Variants in NNT observed in about 807,000 individuals in gnomAD.
The protein encoded by NNT is nicotinamide nucleotide transhydrogenase, also known as NAD(P) transhydrogenase, mitochondrial.
In NNT, 50 loss-of-function variants were observed where a neutral mutation model predicts 104.8. That is an observed-to-expected ratio of 0.48 (90% CI 0.38 to 0.60). The LOEUF is 0.60. NNT is among the 20% of genes least tolerant of loss of function. NNT has a pLI of 0.00. For missense variants in NNT, 1,131 were observed against 1,330.7 expected (o/e 0.85, Z 2.33); for synonymous variants, 461 against 490.4 (o/e 0.94, Z 0.79).
chr5:43,670,082 G>A (rs980621968), intron 17 of NNT, among the ~76,000 whole-genome samples: 1 of 152,170 alleles, frequency 6.6e-6, no homozygotes, highest in East Asian at 1.9e-4. Context: ...GGTGTTTATA[G>A]TATTCTCTGA....
intron 17 of NNT, 76 bp from the exon 18 acceptor site, chr5:43,675,434 TC>T: frequency 1.6e-6 from 2 of 1,236,646 alleles, no homozygotes; most frequent in South Asian, 3.6e-5. Context: ...ATTCCAAATA[TC>T]ATATACACAA....
At chr5:43,641,793 T>C (rs185121606) in intron 7 of NNT, among the ~76,000 whole-genome samples, 12 of 152,308 alleles carry the variant, frequency 7.9e-5, no homozygotes, top group African/African-American at 2.9e-4. Flanking sequence ...GTTTTAAAAG[T>C]GATTGAATTT....
intron 19 of NNT, among the ~76,000 whole-genome samples, chr5:43,688,528 T>A (rs966268197): frequency 2.0e-5 from 3 of 152,210 alleles, no homozygotes; most frequent in Non-Finnish European, 4.4e-5. Context: ...GAGTGTACAC[T>A]GTACCCAATG....
At position 43,635,108 on chromosome 5, in the gene NNT, A is replaced by G. The variant is rs570639177; in HGVS notation, c.964+6721A>G. On this transcript the variant is annotated intron_variant, in intron 7 of 21. Transcript: ENST00000344920. ...GTATCTCCTTCCTTCCATTTTCCTT[A>G]TAGTTTCTTGTGCTTCAGTATTAGT... Among the ~76,000 whole-genome samples the G allele has an allele frequency of 3.3e-5, 5 of 152,224 alleles. No homozygotes were observed. The South Asian group carries it at 6.2e-4, about 19-fold the overall frequency.
chr5:43,675,967 T>G (rs1741394670), intron 18 of NNT, among the ~76,000 whole-genome samples: 2 of 152,190 alleles, frequency 1.3e-5, no homozygotes, highest in Non-Finnish European at 2.9e-5. Flanking sequence ...CATTGGTAAT[T>G]TTTGGGCCCG....
intron 17 of NNT, among the ~76,000 whole-genome samples, chr5:43,666,421 T>C (rs930215846): frequency 2.6e-5 from 4 of 151,968 alleles, no homozygotes; most frequent in Non-Finnish European, 4.4e-5. Flanking sequence ...CGAAACCCCG[T>C]CTCCACCAAA....
At chr5:43,670,219 T>G (rs1012275082) in intron 17 of NNT, among the ~76,000 whole-genome samples, 1 of 152,162 alleles carries the variant, frequency 6.6e-6, no homozygotes, top group Non-Finnish European at 1.5e-5. Flanking sequence ...TTGTTGATGT[T>G]TTCAAAAAAC....
intron 19 of NNT, among the ~76,000 whole-genome samples, chr5:43,682,556 A>G (rs1325761470): frequency 6.6e-6 from 1 of 152,176 alleles, no homozygotes; most frequent in Non-Finnish European, 1.5e-5. Flanking sequence ...AGATAAACAA[A>G]GTCCAGCCTT....
At chr5:43,687,394 T>A (rs1742042327) in intron 19 of NNT, among the ~76,000 whole-genome samples, 2 of 152,200 alleles carry the variant, frequency 1.3e-5, no homozygotes, top group South Asian at 4.1e-4. Flanking sequence ...ATATTCTTCA[T>A]GTGATGATGG....
intron 18 of NNT, among the ~76,000 whole-genome samples, chr5:43,676,164 G>A (rs1010012349): frequency 1.3e-4 from 20 of 152,254 alleles, no homozygotes; most frequent in African/African-American, 4.8e-4. Flanking sequence ...CCTCACTTTT[G>A]TTCTTAATTT....
chr5:43,616,560 G>A (rs1311092169), intron 4 of NNT, among the ~76,000 whole-genome samples: 1 of 152,244 alleles, frequency 6.6e-6, no homozygotes, highest in Admixed American at 6.5e-5. Context: ...AGTTTCATCT[G>A]ATGTCAAAAC....
chr5:43,612,839 C>A, intron 2 of NNT, 69 bp from the exon 3 acceptor site: 2 of 1,149,288 alleles, frequency 1.7e-6, no homozygotes, highest in Non-Finnish European at 2.5e-6. Context: ...TTTCTGAAAT[C>A]TGTTTTTAAA....
At chr5:43,657,756 GT>G (rs1349519874) in intron 16 of NNT, among the ~76,000 whole-genome samples, 3 of 152,214 alleles carry the variant, frequency 2.0e-5, no homozygotes, top group African/African-American at 7.2e-5. Context: ...TATTGCACTG[GT>G]TTTTGTTTTA....
rs769215991 is a variant in NNT at position 43,651,729 on chromosome 5, G to C, written c.1718-10G>C. The C allele has an allele frequency of 1.9e-6, 3 of 1,613,562 alleles. No individual in the cohort carries two copies. In the Admixed American group the frequency reaches 5.0e-5, roughly 27 times the overall value. On this transcript the variant is annotated splice_polypyrimidine_tract_variant and intron_variant, in intron 12 of 21. Transcript: ENST00000344920. ...GGTACTATGTTTTTTATTTCCTTTG[G>C]TTTGCTAAGGTGGCTTTCTGGTGAC...
chr5:43,631,306 G>T (rs1750666471), intron 7 of NNT, among the ~76,000 whole-genome samples: 1 of 152,150 alleles, frequency 6.6e-6, no homozygotes, highest in African/African-American at 2.4e-5. Flanking sequence ...AAATCTGTCA[G>T]TGAAGACATA....
At chr5:43,649,092 C>A in intron 10 of NNT, 55 bp from the exon 11 acceptor site, 1 of 1,579,214 alleles carries the variant, frequency 6.3e-7, no homozygotes, top group Non-Finnish European at 8.7e-7. Context: ...TGCTTTTAAT[C>A]TTACTGAGAT....
rs146079275 is a variant in NNT at position 43,644,133 on chromosome 5, G to A, written c.965-59G>A. ...TGCCCAGAGACTACTGTAATAATTA[G>A]ACTTTAAGGTGTTAGAAAATGATAA... On this transcript the variant is annotated intron_variant, in intron 7 of 21. Coordinates refer to ENST00000344920, the MANE Select transcript of NNT (RefSeq NM_182977.3). 6.2e-4 allele frequency: 912 copies of A among 1,473,012 alleles called. 3 individuals carry two copies. In the African/African-American group the frequency reaches 0.012, roughly 20 times the overall value. The allele number at this position is 1,473,012 out of a possible 1,614,324, so 91.2% of individuals were successfully genotyped here.
intron 14 of NNT, among the ~76,000 whole-genome samples, chr5:43,654,698 CTTA>C (rs1739947528): frequency 6.6e-6 from 1 of 152,186 alleles, no homozygotes; most frequent in African/African-American, 2.4e-5. Flanking sequence ...AGCACTATTT[CTTA>C]TTATTTGAAA....
intron 13 of NNT, among the ~76,000 whole-genome samples, chr5:43,652,685 C>T (rs1406896522): frequency 6.6e-6 from 1 of 151,964 alleles, no homozygotes; most frequent in East Asian, 1.9e-4. Flanking sequence ...ATGATTTTTC[C>T]CTCTTGTGGA....
Sources: allele counts gnomAD v4.1 joint callset (sites outside exome capture counted in the v4.1 genomes callset), GRCh38; gene constraint gnomAD v4.1.1; transcripts MANE v1.5; gene names NCBI Gene and HGNC (gene_info 2026-07-23, HGNC 2026-07-21).